The following INTU variants were observed in gnomAD, a reference collection of about 807,000 sequenced individuals.
INTU encodes inturned planar cell polarity protein.
Under a neutral mutation model 100.5 loss-of-function variants are expected in INTU, and 68 were observed. That is an observed-to-expected ratio of 0.68 (90% CI 0.56 to 0.83). The LOEUF (loss-of-function observed/expected upper bound fraction) is 0.83. Ranked by LOEUF, INTU falls within the 40% of genes least tolerant of loss-of-function variation. INTU has a pLI of 0.00. For synonymous variants in INTU, 357 were observed against 395.7 expected, an observed-to-expected ratio of 0.90 and a Z score of 1.16; for missense variants, 1,071 against 1,114.7, an observed-to-expected ratio of 0.96 and a Z score of 0.56.
intron 14 of INTU, 52 bp downstream of exon 14, chr4:127,711,154 T>G: frequency 5.2e-5 from 69 of 1,326,426 alleles, no homozygotes; most frequent in Non-Finnish European, 6.3e-5. Flanking sequence ...TCCAGATCTC[T>G]AAGCATTCTG....
In INTU at chr4:127,700,028, T is replaced by G; in HGVS notation, c.1468T>G (p.Leu490Val). 6.2e-7 allele frequency: 1 copy of G among 1,603,472 alleles called. No homozygotes were observed. The highest frequency in any genetic ancestry group is 8.5e-7 in the Non-Finnish European group (1 of 1,175,112). The change falls in exon 9 of 16, where the codon TTA (leucine) becomes GTA (valine). Residue 490 changes from leucine (L) to valine (V), a missense_variant. Transcript: ENST00000335251. ...LEIKMELDMA[L>V]SDLEAADFAE... ...AACATAGATGGAATTAGACATGGCA[T>G]TAAGTGACTTGGAGGCTGCAGATTT...
chr4:127,656,174 A>T (rs1333286744), intron 2 of INTU, among the ~76,000 whole-genome samples: 1 of 151,960 alleles, frequency 6.6e-6, no homozygotes, highest in African/African-American at 2.4e-5. Flanking sequence ...TGCAGAAATC[A>T]CCTGTCTTCT....
rs546658849 is a variant in INTU at position 127,722,371 on chromosome 4, A to G, written c.*5935A>G. On this transcript the variant is annotated 3_prime_UTR_variant, in exon 16 of 16. Transcript: ENST00000335251. ...GGGGCACTGGCCTGATGCTAGCCGG[A>G]ATGCTCCTGTATGAAGTGTCTGGAG... 4 of 152,356 alleles carry G rather than the reference A, an allele frequency of 2.6e-5. No individual in the cohort carries two copies. The South Asian group carries it at 8.3e-4, about 32-fold the overall frequency. The allele number at this position is 152,356 out of a possible 1,614,324, so 9.4% of individuals were successfully genotyped here.
chr4:127,650,555 A>T (rs554015513), intron 2 of INTU, among the ~76,000 whole-genome samples: 3 of 152,060 alleles, frequency 2.0e-5, no homozygotes, highest in Non-Finnish European at 2.9e-5. Flanking sequence ...TGAACTCATC[A>T]TTTTTTATGG....
rs1371108571 is a variant in INTU at position 127,709,714 on chromosome 4, C to CACACAG, written c.2369+1051_2369+1052insGACACA. ...ACTAGACACGTACTAATAGAATTCA[C>CACACAG]ACACACACACACACACACACACACA... On this transcript the variant is annotated intron_variant, in intron 13 of 15. Transcript: ENST00000335251. 1.4e-3 allele frequency among the ~76,000 whole-genome samples: 186 copies of CACACAG among 133,744 alleles called. 1 individual carries two copies. Among genetic ancestry groups the CACACAG allele is most frequent in the African/African-American group, 5.8e-3 (175 of 29,918 alleles). 87.7% of individuals were successfully genotyped at this position (133,744 alleles called of 152,430 possible).
At chr4:127,643,190 C>T (rs1387225520) in intron 1 of INTU, among the ~76,000 whole-genome samples, 1 of 152,136 alleles carries the variant, frequency 6.6e-6, no homozygotes, top group Admixed American at 6.6e-5. Context: ...GAGCAGTAAC[C>T]ACACAGTGGT....
intron 8 of INTU, among the ~76,000 whole-genome samples, chr4:127,696,764 A>G (rs1730409835): frequency 6.6e-6 from 1 of 152,096 alleles, no homozygotes; most frequent in Admixed American, 6.5e-5. Context: ...TTAAAATAGA[A>G]ACTTGGATTA....
intron 4 of INTU, among the ~76,000 whole-genome samples, chr4:127,664,860 A>G (rs1017351812): frequency 6.6e-6 from 1 of 151,976 alleles, no homozygotes; most frequent in African/African-American, 2.4e-5. Context: ...ATATATTTGA[A>G]TTCATGTCTG....
Position 127,725,392 on chromosome 4 carries a change from G to C in INTU, c.*8956G>C, listed in dbSNP as rs1731403387. 1 of 152,144 alleles carries C rather than the reference G, an allele frequency of 6.6e-6. No homozygotes were observed. Among genetic ancestry groups the C allele is most frequent in the South Asian group, 2.1e-4 (1 of 4,824 alleles). 9.4% of individuals were successfully genotyped at this position (152,144 alleles called of 1,614,324 possible). ...ATTTGACTCACAACTGCTGTCTTAG[G>C]ACTGCTTATTTACATATATATGTAT... On this transcript the variant is annotated 3_prime_UTR_variant, in exon 16 of 16. Coordinates refer to ENST00000335251, the MANE Select transcript of INTU (RefSeq NM_015693.4).
chr4:127,663,627 A>G (rs1390063787), intron 4 of INTU, 43 bp downstream of exon 4: 5 of 1,527,094 alleles, frequency 3.3e-6, no homozygotes, highest in Non-Finnish European at 4.5e-6. Flanking sequence ...TTTAGTCAAA[A>G]GCCCAAAGGA....
In INTU at chr4:127,669,094, G is replaced by C; in HGVS notation, c.1031G>C (p.Arg344Thr). 1 of 1,554,840 alleles carries C rather than the reference G, an allele frequency of 6.4e-7. No individual in the cohort carries two copies. Among genetic ancestry groups the C allele is most frequent in the Non-Finnish European group, 8.7e-7 (1 of 1,143,978 alleles). ...SEASQKLKSV[R>T]GIFLTLCDML... ...GCATCTCAGAAACTTAAAAGTGTGA[G>C]AGGGATTTTTCTCACACTCTGTGAC... is the stretch of plus-strand genomic sequence containing the variant. Residue 344 changes from arginine to threonine, a missense_variant, in exon 5 of 16, where the codon AGA becomes ACA. Coordinates refer to ENST00000335251, the MANE Select transcript of INTU (RefSeq NM_015693.4).
chr4:127,664,525 A>G (rs1210051196), intron 4 of INTU, among the ~76,000 whole-genome samples: 2 of 151,958 alleles, frequency 1.3e-5, no homozygotes, highest in African/African-American at 4.8e-5. Context: ...TATGCTTTAT[A>G]TATTTTGAGA....
At chr4:127,638,879 G>A (rs1402501352) in intron 1 of INTU, among the ~76,000 whole-genome samples, 1 of 152,060 alleles carries the variant, frequency 6.6e-6, no homozygotes, top group Non-Finnish European at 1.5e-5. Flanking sequence ...TGTACTATAA[G>A]GTCTTAGAAA....
Position 127,723,582 on chromosome 4 carries a change from A to G in INTU, c.*7146A>G, listed in dbSNP as rs186667913. On this transcript the variant is annotated 3_prime_UTR_variant, in exon 16 of 16. Transcript: ENST00000335251. ...TCTCTTTAAGTTTCAGGTAAGCTCAATTTTGACTAGGATATATATATGTGT... is the reference window on the plus strand; with the variant it reads ...TCTCTTTAAGTTTCAGGTAAGCTCAGTTTTGACTAGGATATATATATGTGT... 20 of 151,686 alleles carry G rather than the reference A, an allele frequency of 1.3e-4. No homozygotes were observed. Among genetic ancestry groups the G allele is most frequent in the South Asian group, 4.2e-4 (2 of 4,816 alleles). The allele number at this position is 151,686 out of a possible 1,614,324, so 9.4% of individuals were successfully genotyped here.
intron 13 of INTU, among the ~76,000 whole-genome samples, chr4:127,709,016 T>G (rs1730993861): frequency 6.6e-6 from 1 of 152,186 alleles, no homozygotes; most frequent in South Asian, 2.1e-4. Context: ...CAGTTACACC[T>G]TAGCTCAGGG....
intron 6 of INTU, among the ~76,000 whole-genome samples, chr4:127,683,459 A>G (rs1252186955): frequency 6.6e-6 from 1 of 152,224 alleles, no homozygotes; most frequent in Non-Finnish European, 1.5e-5. Flanking sequence ...TTCAGTGTCA[A>G]CTTACACGTC....
Position 127,720,698 on chromosome 4 carries a change from T to C in INTU, c.*4262T>C, listed in dbSNP as rs1208144026. The C allele has an allele frequency of 2.6e-5, 4 of 152,232 alleles. No homozygotes were observed. The highest frequency in any genetic ancestry group is 2.9e-5 in the Non-Finnish European group (2 of 68,028). The allele number at this position is 152,232 out of a possible 1,614,324, so 9.4% of individuals were successfully genotyped here. On this transcript the variant is annotated 3_prime_UTR_variant, in exon 16 of 16. Coordinates refer to ENST00000335251, the MANE Select transcript of INTU (RefSeq NM_015693.4). ...CATATATATTTAGGATAGTTAGCTCTTCTTGTTGAATTGACCCCTTTACCA... is the reference window on the plus strand; with the variant it reads ...CATATATATTTAGGATAGTTAGCTCCTCTTGTTGAATTGACCCCTTTACCA...
chr4:127,684,169 C>A (rs1398113294), intron 6 of INTU, among the ~76,000 whole-genome samples: 1 of 152,130 alleles, frequency 6.6e-6, no homozygotes, highest in African/African-American at 2.4e-5. Context: ...ACTTTAGAGA[C>A]AGTTACATGA....
Position 127,643,827 on chromosome 4 carries a change from A to G in INTU, c.453A>G (p.Gly151=). The G allele has an allele frequency of 1.2e-6, 2 of 1,614,124 alleles. No homozygotes were observed. The highest frequency in any genetic ancestry group is 8.5e-7 in the Non-Finnish European group (1 of 1,179,994). Residue 151 remains glycine, a synonymous_variant, in exon 2 of 16, where the codon GGA becomes GGG. Coordinates refer to ENST00000335251, the MANE Select transcript of INTU (RefSeq NM_015693.4). ...AGCATCAGTCCAATCAGAAGACAGG[A>G]GTCATTGTCCAACAGCGATACAAAG... ...ILKHQSNQKT[G]VIVQQRYKDV...
Sources: allele counts gnomAD v4.1 joint callset (sites outside exome capture counted in the v4.1 genomes callset), GRCh38; gene constraint gnomAD v4.1.1; transcripts MANE v1.5; gene names NCBI Gene and HGNC (gene_info 2026-07-23, HGNC 2026-07-21).